PPP1R12A: variants seen among roughly 807,000 people sequenced by gnomAD.
PPP1R12A encodes myosin binding subunit.
A neutral mutation model predicts 139.6 loss-of-function variants in PPP1R12A; 19 were observed. That is an observed-to-expected ratio of 0.14 (90% CI 0.09 to 0.20). The LOEUF is 0.20. PPP1R12A is among the 10% of genes least tolerant of loss of function. The pLI is 1.00. For missense variants in PPP1R12A, 925 were observed against 1,211.5 expected (o/e 0.76, Z 3.51); for synonymous variants, 427 against 420.6 (o/e 1.02, Z -0.19).
intron 22 of PPP1R12A, among the ~76,000 whole-genome samples, chr12:79,785,029 C>T (rs1870938581): frequency 6.6e-6 from 1 of 152,088 alleles, no homozygotes; most frequent in African/African-American, 2.4e-5. Context: ...TGTATACAGG[C>T]TCACTAAGAT....
At position 79,797,425 on chromosome 12, in the gene PPP1R12A, T is replaced by C. The variant is rs140871148; in HGVS notation, c.2092-30A>G. 344 of 1,523,124 alleles carry C rather than the reference T, an allele frequency of 2.3e-4. No individual in the cohort carries two copies. The East Asian group carries it at 6.8e-3, about 30-fold the overall frequency. The allele number at this position is 1,523,124 out of a possible 1,614,324, so 94.4% of individuals were successfully genotyped here. On this transcript the variant is annotated intron_variant, in intron 15 of 24. Coordinates refer to ENST00000450142, the MANE Select transcript of PPP1R12A (RefSeq NM_002480.3). ...ACACACAAAAAGATCAATATAATTA[T>C]GAGATGCATTAAAGCTTGTTTCAAG...
At chr12:79,844,117 T>C (rs1436637242) in intron 3 of PPP1R12A, among the ~76,000 whole-genome samples, 7 of 152,154 alleles carry the variant, frequency 4.6e-5, no homozygotes, top group Admixed American at 4.6e-4. Context: ...TTTTTTTTAG[T>C]AAATGTGAGG....
chr12:79,883,030 G>A (rs113590576), intron 1 of PPP1R12A, among the ~76,000 whole-genome samples: 5 of 152,056 alleles, frequency 3.3e-5, no homozygotes, highest in Non-Finnish European at 5.9e-5. Context: ...CCAGCTACTC[G>A]GGAGGTGGAG....
At chr12:79,840,087 GA>G (rs1288013797) in intron 3 of PPP1R12A, among the ~76,000 whole-genome samples, 1 of 152,190 alleles carries the variant, frequency 6.6e-6, no homozygotes, top group Non-Finnish European at 1.5e-5. Flanking sequence ...CAGTGGTACA[GA>G]ATGTGGGCTC....
intron 8 of PPP1R12A, among the ~76,000 whole-genome samples, chr12:79,817,766 G>T (rs753967843): frequency 1.4e-4 from 21 of 152,054 alleles, no homozygotes; most frequent in Non-Finnish European, 2.4e-4. Context: ...TGCACAAATA[G>T]AATCTGACTT....
Position 79,821,151 on chromosome 12 carries a change from G to T in PPP1R12A, c.883C>A (p.Arg295=). The change falls in exon 7 of 25, where the codon CGG becomes AGG. Residue 295 remains arginine, a synonymous_variant. Coordinates refer to ENST00000450142, the MANE Select transcript of PPP1R12A (RefSeq NM_002480.3). The part of the protein sequence containing the change: ...KKQNLLHSEK[R]DKKSPLIEST... ...TCAATTAGTGGAGATTTCTTGTCCC[G>T]TTTTTCACTATGGAGCTTTGTACAA... 2.5e-6 allele frequency: 4 copies of T among 1,611,786 alleles called. No individual in the cohort carries two copies. The highest frequency in any genetic ancestry group is 3.4e-6 in the Non-Finnish European group (4 of 1,178,340).
At chr12:79,915,985 A>G (rs1886962925) in intron 1 of PPP1R12A, among the ~76,000 whole-genome samples, 1 of 139,658 alleles carries the variant, frequency 7.2e-6, no homozygotes, top group Non-Finnish European at 1.5e-5. Flanking sequence ...TTATGTTTCT[A>G]AACCTTGACC....
At chr12:79,932,500 T>C (rs1478503591) in intron 1 of PPP1R12A, among the ~76,000 whole-genome samples, 2 of 152,082 alleles carry the variant, frequency 1.3e-5, no homozygotes, top group East Asian at 1.9e-4. Context: ...TATGGAAAAA[T>C]GTTATGGAAA....
intron 1 of PPP1R12A, among the ~76,000 whole-genome samples, chr12:79,894,419 G>A (rs557330083): frequency 6.6e-6 from 1 of 152,056 alleles, no homozygotes; most frequent in African/African-American, 2.4e-5. Context: ...TAAAAGCTAA[G>A]TCTTGACCAT....
At chr12:79,912,706 AAAG>A (rs1306348751) in intron 1 of PPP1R12A, among the ~76,000 whole-genome samples, 5 of 151,928 alleles carry the variant, frequency 3.3e-5, no homozygotes, top group Non-Finnish European at 5.9e-5. Context: ...AAAAAAAAAA[AAAG>A]AAGAAATAAA....
chr12:79,806,486 C>T (rs1873850939), intron 12 of PPP1R12A, among the ~76,000 whole-genome samples, 153 bp from the exon 13 acceptor site: 1 of 152,228 alleles, frequency 6.6e-6, no homozygotes, highest in Non-Finnish European at 1.5e-5. Flanking sequence ...GTTGCATCTA[C>T]AACTTGCTAG....
intron 1 of PPP1R12A, among the ~76,000 whole-genome samples, chr12:79,911,274 A>G (rs1234571450): frequency 1.3e-5 from 2 of 152,096 alleles, no homozygotes; most frequent in African/African-American, 2.4e-5. Flanking sequence ...TTCCATTTCT[A>G]TCACTCGGCT....
chr12:79,777,135 T>C, intron 24 of PPP1R12A: 1 of 905,876 alleles, frequency 1.1e-6, no homozygotes, highest in Non-Finnish European at 1.3e-6. Context: ...TAATGCATGC[T>C]TAATCTTCAG....
intron 2 of PPP1R12A, among the ~76,000 whole-genome samples, chr12:79,868,778 G>T (rs1882259395): frequency 6.7e-6 from 1 of 149,908 alleles, no homozygotes; most frequent in Admixed American, 6.6e-5. Flanking sequence ...TGAAGGTTAG[G>T]GTTTCAAGTA....
chr12:79,802,212 C>A (rs1350772824), intron 14 of PPP1R12A, among the ~76,000 whole-genome samples: 1 of 152,064 alleles, frequency 6.6e-6, no homozygotes, highest in Admixed American at 6.6e-5. Context: ...AGAGATATAA[C>A]CTATATTAAC....
intron 1 of PPP1R12A, among the ~76,000 whole-genome samples, chr12:79,918,922 C>T (rs1887211843): frequency 6.6e-6 from 1 of 151,912 alleles, no homozygotes; most frequent in African/African-American, 2.4e-5. Flanking sequence ...TTGAGACCAG[C>T]CTGGCCAACA....
chr12:79,777,227 T>C, intron 24 of PPP1R12A: 1 of 938,096 alleles, frequency 1.1e-6, no homozygotes, highest in African/African-American at 1.8e-5. Flanking sequence ...AATAGTCATA[T>C]TTTAAGTCCT....
intron 5 of PPP1R12A, among the ~76,000 whole-genome samples, chr12:79,827,378 G>T (rs573223354): frequency 2.0e-5 from 3 of 152,108 alleles, no homozygotes; most frequent in South Asian, 4.2e-4. Context: ...AACAGCAAAA[G>T]AATTAGCCCT....
At chr12:79,839,696 G>C (rs1878484151) in intron 3 of PPP1R12A, among the ~76,000 whole-genome samples, 1 of 152,128 alleles carries the variant, frequency 6.6e-6, no homozygotes, top group Admixed American at 6.5e-5. Context: ...AGAAGGATAT[G>C]TTTGCCTTCC....
Sources: allele counts gnomAD v4.1 joint callset (sites outside exome capture counted in the v4.1 genomes callset), GRCh38; gene constraint gnomAD v4.1.1; transcripts MANE v1.5; gene names NCBI Gene and HGNC (gene_info 2026-07-23, HGNC 2026-07-21).